ATG2B: variants seen among roughly 807,000 people sequenced by gnomAD.
ATG2B encodes the protein autophagy related 2B.
Under a neutral mutation model 241.3 loss-of-function variants are expected in ATG2B, and 121 were observed. The observed-to-expected ratio is 0.50, with a 90% CI of 0.43 to 0.58. The LOEUF is 0.58. Ranked by LOEUF, ATG2B falls within the 20% of genes least tolerant of loss-of-function variation. The pLI is 0.00. For missense variants in ATG2B, 2,306 were observed against 2,491.6 expected (o/e 0.93, Z 1.59); for synonymous variants, 858 against 876.6 (o/e 0.98, Z 0.37).
intron 11 of ATG2B, among the ~76,000 whole-genome samples, chr14:96,330,743 G>A (rs770247972): frequency 1.3e-5 from 2 of 152,188 alleles, no homozygotes; most frequent in Non-Finnish European, 2.9e-5. Flanking sequence ...CAGCCTGGAC[G>A]ATGGAGTGAG....
intron 18 of ATG2B, among the ~76,000 whole-genome samples, chr14:96,321,742 T>C (rs1417966652): frequency 6.6e-6 from 1 of 152,202 alleles, no homozygotes; most frequent in African/African-American, 2.4e-5. Context: ...ATGCTTCTTG[T>C]ACAATGAATG....
intron 21 of ATG2B, 109 bp downstream of exon 21, chr14:96,316,424 C>A (rs1887314912): frequency 8.8e-7 from 1 of 1,134,816 alleles, no homozygotes; most frequent in Non-Finnish European, 1.3e-6. Context: ...GAGCCCTCCA[C>A]AGAAAATAAT....
chr14:96,324,044 C>G, intron 15 of ATG2B, 46 bp from the exon 16 acceptor site: 1 of 1,296,560 alleles, frequency 7.7e-7, no homozygotes, highest in South Asian at 1.3e-5. Flanking sequence ...TTCTCAAGTA[C>G]TAAAAGAAGA....
At chr14:96,355,069 T>C (rs1888438686) in intron 1 of ATG2B, among the ~76,000 whole-genome samples, 1 of 152,144 alleles carries the variant, frequency 6.6e-6, no homozygotes, top group Admixed American at 6.5e-5. Context: ...CTTGCAAAAA[T>C]TTTCTCCCAT....
intron 11 of ATG2B, among the ~76,000 whole-genome samples, chr14:96,330,025 G>A (rs1041278181): frequency 6.7e-6 from 1 of 149,222 alleles, no homozygotes; most frequent in African/African-American, 2.5e-5. Context: ...CCTACTGGCA[G>A]ATGTTTGAAA....
At chr14:96,357,839 G>C (rs1026851071) in intron 1 of ATG2B, among the ~76,000 whole-genome samples, 8 of 152,204 alleles carry the variant, frequency 5.3e-5, no homozygotes, top group Non-Finnish European at 8.8e-5. Context: ...CTCTGGAAGA[G>C]ATGGGATTAA....
chr14:96,335,752 A>G (rs1294554567), intron 6 of ATG2B, among the ~76,000 whole-genome samples: 1 of 152,164 alleles, frequency 6.6e-6, no homozygotes, highest in South Asian at 2.1e-4. Flanking sequence ...GAGAGAGAAA[A>G]TGTGTTTCTA....
intron 10 of ATG2B, 31 bp from the exon 11 acceptor site, chr14:96,331,668 A>G (rs750041429): frequency 1.6e-5 from 24 of 1,483,864 alleles, no homozygotes; most frequent in Middle Eastern, 3.5e-4. Flanking sequence ...TTATATACAT[A>G]AAATTTGACA....
chr14:96,351,076 G>C (rs1324128659), intron 1 of ATG2B, among the ~76,000 whole-genome samples: 1 of 152,146 alleles, frequency 6.6e-6, no homozygotes, highest in African/African-American at 2.4e-5. Context: ...ATGACACTCA[G>C]AAATTCAAAG....
At position 96,328,333 on chromosome 14, in the gene ATG2B, T is replaced by C. The variant is rs758871307; in HGVS notation, c.2163+14A>G. 1.3e-5 allele frequency: 20 copies of C among 1,574,726 alleles called. No homozygotes were observed. In the Admixed American group the frequency reaches 3.6e-4, roughly 29 times the overall value. Reference sequence around the variant, plus strand: ...CATAATTATGATTAGTATTTGCAGCTTTTGAATACTTACCAGACTAATATG... The same window carrying C: ...CATAATTATGATTAGTATTTGCAGCCTTTGAATACTTACCAGACTAATATG... On this transcript the variant is annotated intron_variant, in intron 14 of 41. Coordinates refer to ENST00000359933, the MANE Select transcript of ATG2B (RefSeq NM_018036.7).
intron 6 of ATG2B, among the ~76,000 whole-genome samples, chr14:96,340,560 T>C (rs1354214069): frequency 1.3e-5 from 2 of 151,812 alleles, no homozygotes; most frequent in Non-Finnish European, 2.9e-5. Context: ...CTGGGAACAG[T>C]GGGGAAATGA....
chr14:96,290,049 T>A lies in ATG2B; in HGVS notation c.5857-244A>T. The A allele has an allele frequency of 9.0e-7, 1 of 1,106,700 alleles. No homozygotes were observed. The highest frequency in any genetic ancestry group is 2.0e-5 in the South Asian group (1 of 51,268). The allele number at this position is 1,106,700 out of a possible 1,614,324, so 68.6% of individuals were successfully genotyped here. On this transcript the variant is annotated intron_variant, in intron 40 of 41. Transcript: ENST00000359933. This position sits in a 1 kb window ranked among gnomAD's most constrained non-coding sequence, Gnocchi z 4.4. ...AATTTTTAGCCCCTCCTCTGTTCAC[T>A]GAGAACACTCAACATTTCCACATCA... is the stretch of plus-strand genomic sequence containing the variant.
rs370330577 is a variant in ATG2B, at chr14:96,306,053, C to T, written c.4507-238G>A. On this transcript the variant is annotated intron_variant, in intron 30 of 41. Transcript: ENST00000359933. ...TAAGGATTTTTTATGGTTTACAATTCGGCTTTCACTACTTGTTTGATAATA... is the reference window on the plus strand; with the variant it reads ...TAAGGATTTTTTATGGTTTACAATTTGGCTTTCACTACTTGTTTGATAATA... Among the ~76,000 whole-genome samples the T allele has an allele frequency of 6.6e-5, 10 of 152,190 alleles. No homozygotes were observed. In the South Asian group the frequency reaches 1.9e-3, roughly 28 times the overall value.
Position 96,321,999 on chromosome 14 carries a change from C to T in ATG2B, c.2879+113G>A, listed in dbSNP as rs1163022859. 3 of 769,070 alleles carry T rather than the reference C, an allele frequency of 3.9e-6. No individual in the cohort carries two copies. In the African/African-American group the frequency reaches 5.5e-5, roughly 14 times the overall value. 47.6% of individuals were successfully genotyped at this position (769,070 alleles called of 1,614,324 possible). ...GTCACCATCAACACCACACAAAGTA[C>T]ACAGAGATGGCATATAATATTCAGG... On this transcript the variant is annotated intron_variant, in intron 18 of 41. Transcript: ENST00000359933.
chr14:96,312,187 C>A, intron 25 of ATG2B, 28 bp from the exon 26 acceptor site: 1 of 1,549,876 alleles, frequency 6.5e-7, no homozygotes. Context: ...AAACCAACAT[C>A]TGAAAAACTA....
chr14:96,292,118 G>A lies in ATG2B; in HGVS notation c.5427-20C>T, dbSNP rs1886502929. 1 of 1,528,110 alleles carries A rather than the reference G, an allele frequency of 6.5e-7. No individual in the cohort carries two copies. The highest frequency in any genetic ancestry group is 2.3e-5 in the East Asian group (1 of 43,070). 94.7% of individuals were successfully genotyped at this position (1,528,110 alleles called of 1,614,324 possible). The stretch of plus-strand genomic sequence containing the variant: ...AATTCTCTGAAGATAAAGGAAGGAG[G>A]GAGTTATTTACATTTACAATTACTA... On this transcript the variant is annotated intron_variant, in intron 36 of 41. Transcript: ENST00000359933.
At chr14:96,339,623 T>C (rs1439906387) in intron 6 of ATG2B, among the ~76,000 whole-genome samples, 2 of 152,008 alleles carry the variant, frequency 1.3e-5, no homozygotes, top group Non-Finnish European at 2.9e-5. Context: ...AACTTAGGAA[T>C]GGAAAACCAA....
In ATG2B at chr14:96,290,180, T is replaced by C. The variant is rs1462167427; in HGVS notation, c.5856+256A>G. ...ATCCTTTCATACAAATATGGTGAAATCAATCCTCTGCTAACTTAATGTTTA... is the reference window on the plus strand; with the variant it reads ...ATCCTTTCATACAAATATGGTGAAACCAATCCTCTGCTAACTTAATGTTTA... On this transcript the variant is annotated intron_variant, in intron 40 of 41. Transcript: ENST00000359933. The surrounding 1 kb of genome is among the most constrained non-coding windows in gnomAD (Gnocchi z 4.4). 7.8e-7 allele frequency: 1 copy of C among 1,286,100 alleles called. No individual in the cohort carries two copies. The highest frequency in any genetic ancestry group is 3.6e-5 in the Admixed American group (1 of 27,662). 79.7% of individuals were successfully genotyped at this position (1,286,100 alleles called of 1,614,324 possible). A position where few individuals can be genotyped will look rare whatever the true frequency, so the allele number is the denominator to read the frequency against.
chr14:96,325,497 A>C, intron 15 of ATG2B, 152 bp downstream of exon 15: 1 of 708,802 alleles, frequency 1.4e-6, no homozygotes, highest in South Asian at 2.1e-5. Flanking sequence ...ATTTGCATAC[A>C]ATACTAGAAA....
Sources: allele counts gnomAD v4.1 joint callset (sites outside exome capture counted in the v4.1 genomes callset), GRCh38; gene constraint gnomAD v4.1.1; non-coding constraint Gnocchi (gnomAD v3.1); transcripts MANE v1.5; gene names NCBI Gene and HGNC (gene_info 2026-07-23, HGNC 2026-07-21).